CDK20: variants seen among roughly 807,000 people sequenced by gnomAD.
CDK20 encodes cyclin-dependent kinase 20.
In CDK20, 40 loss-of-function variants were observed where a neutral mutation model predicts 38.6. That is an observed-to-expected ratio of 1.04 (90% confidence interval 0.81 to 1.35). The LOEUF (loss-of-function observed/expected upper bound fraction) is 1.35, where lower values mean the gene tolerates loss of function less well. Among genes scored for constraint, CDK20 ranks in the 40% most tolerant of loss-of-function variants. CDK20 has a pLI of 0.00. For missense variants in CDK20, 512 were observed against 452.6 expected (o/e 1.13, Z -1.19); for synonymous variants, 209 against 185.7 (o/e 1.13, Z -1.02).
In CDK20 at chr9:87,969,132, C is replaced by G. The variant is rs1278994042; in HGVS notation, c.843+62G>C. On this transcript the variant is annotated intron_variant, in intron 7 of 7. Coordinates refer to ENST00000325303, the MANE Select transcript of CDK20 (RefSeq NM_001039803.3). ...GATGGGGTCACATGGCTACCAAGTA[C>G]AGAGTACCAGGGTGATGGGGAGGGG... 15 of 1,572,846 alleles carry G rather than the reference C, an allele frequency of 9.5e-6. No individual in the cohort carries two copies. In the Admixed American group the frequency reaches 1.4e-4, roughly 14 times the overall value.
chr9:87,974,234 C>T, intron 1 of CDK20, 138 bp downstream of exon 1: 1 of 1,224,156 alleles, frequency 8.2e-7, no homozygotes, highest in East Asian at 2.5e-5. Context: ...AGCGCAACGG[C>T]CCAAAGTAGG....
Position 87,969,582 on chromosome 9 carries a change from T to G in CDK20, c.687+214A>C, listed in dbSNP as rs1829704120. 3 of 788,460 alleles carry G rather than the reference T, an allele frequency of 3.8e-6. No individual in the cohort carries two copies. The East Asian group carries it at 7.9e-5, about 21-fold the overall frequency. 48.8% of individuals were successfully genotyped at this position (788,460 alleles called of 1,614,324 possible). A position where few individuals can be genotyped will look rare whatever the true frequency, so the allele number is the denominator to read the frequency against. On this transcript the variant is annotated intron_variant, in intron 6 of 7. Transcript: ENST00000325303. ...AGCTTGCTGAGACACTGCACATGTG[T>G]GTACTGGGGTGAAAAGGGACAAAGG...
intron 7 of CDK20, 42 bp downstream of exon 7, chr9:87,969,152 G>T (rs1202692861): frequency 1.2e-6 from 2 of 1,604,726 alleles, no homozygotes; most frequent in Non-Finnish European, 1.7e-6. Context: ...GGGTGATGGG[G>T]AGGGGAGCTG....
intron 5 of CDK20, 123 bp downstream of exon 5, chr9:87,970,445 A>G (rs1204656298): frequency 1.6e-5 from 14 of 879,104 alleles, no homozygotes; most frequent in Admixed American, 2.9e-5. Flanking sequence ...CCAACCAGGG[A>G]AGACACCCTT....
chr9:87,974,107 A>G, intron 1 of CDK20, 72 bp from the exon 2 acceptor site: 1 of 1,606,364 alleles, frequency 6.2e-7, no homozygotes, highest in Middle Eastern at 1.7e-4. Flanking sequence ...GGTGAGGGGA[A>G]GGTGGTTGAG....
At chr9:87,970,926 C>T in intron 3 of CDK20, 29 bp from the exon 4 acceptor site, 2 of 1,613,752 alleles carry the variant, frequency 1.2e-6, no homozygotes, top group Non-Finnish European at 8.5e-7. Context: ...GCATCAGTCC[C>T]TCCAAATCCC....
chr9:87,969,348 T>C lies in CDK20; in HGVS notation c.689A>G (p.Glu230Gly), dbSNP rs201816662. 7.4e-6 allele frequency: 12 copies of C among 1,613,800 alleles called. No individual in the cohort carries two copies. The highest frequency in any genetic ancestry group is 1.7e-4 in the Middle Eastern group (1 of 6,058). The change falls in exon 7 of 8, where the codon GAG becomes GGG. Residue 230 changes from glutamate to glycine, a missense_variant and splice_region_variant. Coordinates refer to ENST00000325303, the MANE Select transcript of CDK20 (RefSeq NM_001039803.3). ...GTTGTAGTCCGGCAGCTCAGTGAGC[T>C]CCTGGGCCAGGGAGAAGGAACAGGG... ...LGTPNPQVWP[E>G]LTELPDYNKI...
intron 1 of CDK20, 90 bp from the exon 2 acceptor site, chr9:87,974,125 C>G (rs373667662): frequency 1.3e-4 from 206 of 1,584,998 alleles, no homozygotes; most frequent in Admixed American, 2.9e-4. Context: ...GAGAGAGAGA[C>G]ACGCGCCCCC....
chr9:87,967,762 GTC>G (rs1449218477), intron 7 of CDK20, 103 bp from the exon 8 acceptor site: 2 of 1,036,962 alleles, frequency 1.9e-6, no homozygotes, highest in Non-Finnish European at 2.7e-6. Flanking sequence ...GACTCAGTGT[GTC>G]TGGGTGTTTT....
At chr9:87,967,705 C>T (rs1564154005) in intron 7 of CDK20, 46 bp from the exon 8 acceptor site, 3 of 1,430,322 alleles carry the variant, frequency 2.1e-6, no homozygotes, top group Non-Finnish European at 2.8e-6. Context: ...TAGTCACCTC[C>T]CTGTCCCCAG....
At chr9:87,971,745 A>G (rs1829873822) in intron 2 of CDK20, among the ~76,000 whole-genome samples, 1 of 152,182 alleles carries the variant, frequency 6.6e-6, no homozygotes, top group Admixed American at 6.5e-5. Flanking sequence ...TGGGACAGCT[A>G]CAGACACATC....
At chr9:87,971,482 CAGAG>C (rs952398466) in intron 2 of CDK20, 147 bp from the exon 3 acceptor site, 7 of 694,386 alleles carry the variant, frequency 1.0e-5, no homozygotes, top group South Asian at 1.9e-5. Context: ...AGCTAAGAAT[CAGAG>C]AGCTCGATGC....
At position 87,974,389 on chromosome 9, in the gene CDK20, TGAA is replaced by T; in HGVS notation, c.55_57del (p.Phe19del). 2 of 1,612,910 alleles carry T rather than the reference TGAA, an allele frequency of 1.2e-6. No homozygotes were observed. The highest frequency in any genetic ancestry group is 1.7e-6 in the Non-Finnish European group (2 of 1,179,928). On this transcript the variant is annotated inframe_deletion, in exon 1 of 8. Transcript: ENST00000325303. ...AGCCTCACCTCCACGTGCTTGGCCT[TGAA>T]GACGATGCCGTGGGCGCCCTCCCCG...
intron 2 of CDK20, among the ~76,000 whole-genome samples, chr9:87,972,725 TG>T (rs1178988892): frequency 3.3e-5 from 5 of 152,220 alleles, no homozygotes; most frequent in African/African-American, 1.2e-4. Context: ...ATCTAGAGTA[TG>T]TTTTAAAGTT....
chr9:87,967,914 A>G (rs1829545352), intron 7 of CDK20: 4 of 420,414 alleles, frequency 9.5e-6, no homozygotes, highest in Non-Finnish European at 1.7e-5. Context: ...ACAGTATGTC[A>G]GATAATGATT....
Position 87,969,193 on chromosome 9 carries a change from C to T in CDK20, c.843+1G>A. The T allele has an allele frequency of 3.7e-6, 6 of 1,613,678 alleles. No individual in the cohort carries two copies. The highest frequency in any genetic ancestry group is 3.4e-6 in the Non-Finnish European group (4 of 1,179,758). On this transcript the variant is annotated splice_donor_variant, in intron 7 of 7. Transcript: ENST00000325303. LOFTEE classifies it high-confidence loss of function. ...GCAGAGACTACAGCCTCTCCCCCTA[C>T]CTTGGAAGCTGCGATGCGCTGGTGA...
At chr9:87,969,677 C>G in intron 6 of CDK20, 119 bp downstream of exon 6, 2 of 1,482,330 alleles carry the variant, frequency 1.3e-6, no homozygotes, top group East Asian at 2.3e-5. Flanking sequence ...ACAGTGGTCC[C>G]TGTCCATCAA....
In CDK20 at chr9:87,970,808, G is replaced by A. The variant is rs368247249; in HGVS notation, c.468C>T (p.Gly156=). 24 of 1,614,072 alleles carry A rather than the reference G, an allele frequency of 1.5e-5. No homozygotes were observed. Among genetic ancestry groups the A allele is most frequent in the Non-Finnish European group, 1.1e-5 (13 of 1,180,048 alleles). ...CCACCTGGTGTGTGTAGAGGCGGCT[G>A]CCGTCTGGGGAAAAGACTCGAGCCA... is the stretch of plus-strand genomic sequence containing the variant. The part of the protein sequence containing the change: ...FGLARVFSPD[G]SRLYTHQVAT... The change falls in exon 4 of 8, where the codon GGC becomes GGT. Residue 156 remains glycine, a synonymous_variant. Transcript: ENST00000325303.
At position 87,967,255 on chromosome 9, in the gene CDK20, C is replaced by T. The variant is rs1289496612; in HGVS notation, c.*207G>A. ...TCACCGAGCACAGGCCATGAATCTC[C>T]TCTGCTCGACTGGATGTTCTCATAC... On this transcript the variant is annotated 3_prime_UTR_variant, in exon 8 of 8. Transcript: ENST00000325303. 2 of 700,044 alleles carry T rather than the reference C, an allele frequency of 2.9e-6. No individual in the cohort carries two copies. The highest frequency in any genetic ancestry group is 1.7e-5 in the African/African-American group (1 of 57,384). 43.4% of individuals were successfully genotyped at this position (700,044 alleles called of 1,614,324 possible).
Sources: gnomAD v4.1 joint callset for allele counts (sites outside exome capture counted in the v4.1 genomes callset) on GRCh38, gnomAD v4.1.1 for gene constraint, MANE v1.5 for transcripts, NCBI Gene and HGNC (gene_info 2026-07-23, HGNC 2026-07-21) for gene names.